Variants in TBC1D5 observed in about 807,000 individuals in gnomAD.
TBC1D5 encodes the protein TBC1 domain family, member 5.
Under a neutral mutation model 100.3 loss-of-function variants are expected in TBC1D5, and 75 were observed. That is an observed-to-expected ratio of 0.75 (90% CI 0.62 to 0.91). The LOEUF (loss-of-function observed/expected upper bound fraction) is 0.91, where lower values mean the gene tolerates loss of function less well. TBC1D5 is among the 40% of genes least tolerant of loss of function. The pLI is 0.00. For synonymous variants in TBC1D5, 323 were observed against 325.6 expected (o/e 0.99, Z 0.09); for missense variants, 910 against 942.4 (o/e 0.97, Z 0.45).
At chr3:17,643,315 T>C (rs1291325685) in intron 1 of TBC1D5, among the ~76,000 whole-genome samples, 1 of 152,142 alleles carries the variant, frequency 6.6e-6, no homozygotes, top group Non-Finnish European at 1.5e-5. Context: ...GATGTTAATA[T>C]ATCTTATTAC....
chr3:17,316,292 G>C (rs17043377), intron 13 of TBC1D5, among the ~76,000 whole-genome samples: 4,453 of 152,310 alleles, frequency 0.029, 216 homozygotes, highest in African/African-American at 0.1. Context: ...GTGGCCATGG[G>C]AGTTTTGTTT....
At chr3:17,401,391 GTATA>G (rs1413303210) in intron 8 of TBC1D5, among the ~76,000 whole-genome samples, 2 of 149,638 alleles carry the variant, frequency 1.3e-5, no homozygotes, top group Non-Finnish European at 3.0e-5. Context: ...ATATGTATAT[GTATA>G]TGTATATATG....
At chr3:17,547,362 C>A (rs2096428232) in intron 2 of TBC1D5, among the ~76,000 whole-genome samples, 1 of 152,108 alleles carries the variant, frequency 6.6e-6, no homozygotes, top group Non-Finnish European at 1.5e-5. Flanking sequence ...ATTTAGAAGA[C>A]AAATTAAAGC....
At chr3:17,323,385 A>G (rs1163738957) in intron 13 of TBC1D5, among the ~76,000 whole-genome samples, 2 of 152,216 alleles carry the variant, frequency 1.3e-5, no homozygotes, top group Admixed American at 6.5e-5. Context: ...ATAAATTCAA[A>G]CCATATATAA....
intron 13 of TBC1D5, among the ~76,000 whole-genome samples, chr3:17,362,335 A>T (rs549185547): frequency 1.3e-5 from 2 of 152,330 alleles, no homozygotes; most frequent in South Asian, 4.1e-4. Context: ...TGAAATGACA[A>T]GTTTCAGATT....
upstream of TBC1D5, among the ~76,000 whole-genome samples, chr3:17,741,867 G>A (rs1457892745): frequency 8.0e-6 from 1 of 124,294 alleles, no homozygotes; most frequent in Non-Finnish European, 1.6e-5. Context: ...TCTTACGTGT[G>A]AATAAACTTA....
intron 2 of TBC1D5, chr3:17,561,879 G>T (rs1334917510): frequency 1.3e-5 from 2 of 152,080 alleles, no homozygotes; most frequent in Non-Finnish European, 2.9e-5. Flanking sequence ...AAATGCAAGG[G>T]CAGTTAAAGA....
chr3:17,279,238 C>A (rs1004055278), intron 15 of TBC1D5, among the ~76,000 whole-genome samples: 2 of 152,160 alleles, frequency 1.3e-5, no homozygotes, highest in African/African-American at 4.8e-5. Flanking sequence ...TCTAGTGAAT[C>A]CACAATAGTT....
chr3:17,452,156 T>C (rs2094943232), intron 3 of TBC1D5, among the ~76,000 whole-genome samples: 1 of 151,568 alleles, frequency 6.6e-6, no homozygotes, highest in Admixed American at 6.6e-5. Flanking sequence ...TTGAAAAACA[T>C]ACAATGGATA....
chr3:17,522,927 T>G (rs2096078589), intron 2 of TBC1D5, among the ~76,000 whole-genome samples: 1 of 152,192 alleles, frequency 6.6e-6, no homozygotes, highest in South Asian at 2.1e-4. Flanking sequence ...TGACAAAACT[T>G]CATACCATGC....
At chr3:17,613,277 G>C (rs538966874) in intron 2 of TBC1D5, among the ~76,000 whole-genome samples, 9 of 152,304 alleles carry the variant, frequency 5.9e-5, no homozygotes, top group African/African-American at 1.9e-4. Context: ...TCTTAATACA[G>C]TCTATCATTG....
Position 17,195,425 on chromosome 3 carries a change from T to G in TBC1D5, c.1753-10217A>C, listed in dbSNP as rs569467196. Among the ~76,000 whole-genome samples, 6 of 152,374 alleles carry G rather than the reference T, an allele frequency of 3.9e-5. No individual in the cohort carries two copies. The South Asian group carries it at 1.2e-3, about 32-fold the overall frequency. ...CCTCCAGCTGAGTTTCTCATAGCAA[T>G]GCTGGCTGGGCAAAACCATCTGCGT... On this transcript the variant is annotated intron_variant, in intron 18 of 21. Coordinates refer to ENST00000253692, the Ensembl canonical transcript of TBC1D5.
chr3:17,239,170 T>C lies in TBC1D5; in HGVS notation c.1332-751A>G, dbSNP rs565219189. Among the ~76,000 whole-genome samples, 249 of 152,348 alleles carry C rather than the reference T, an allele frequency of 1.6e-3. 2 individuals carry two copies. Among genetic ancestry groups the C allele is most frequent in the African/African-American group, 5.8e-3 (240 of 41,568 alleles). ...TTTGTCTCTTTTGTTAACTACTATA[T>C]TGCCATTGTCTGGTACATCATAGGT... is the stretch of plus-strand genomic sequence containing the variant. On this transcript the variant is annotated intron_variant, in intron 16 of 21. Coordinates refer to ENST00000253692, the Ensembl canonical transcript of TBC1D5.
chr3:17,168,158 G>A (rs2066829042), intron 19 of TBC1D5, among the ~76,000 whole-genome samples: 1 of 152,168 alleles, frequency 6.6e-6, no homozygotes, highest in African/African-American at 2.4e-5. Context: ...ATCTCTAGGA[G>A]GAAGCTTTTC....
At chr3:17,627,834 C>T (rs2153664548) in intron 1 of TBC1D5, among the ~76,000 whole-genome samples, 1 of 152,130 alleles carries the variant, frequency 6.6e-6, no homozygotes, top group South Asian at 2.1e-4. Context: ...GTCCATACAG[C>T]ATGCAAAGTA....
intron 2 of TBC1D5, among the ~76,000 whole-genome samples, chr3:17,607,760 G>A (rs2061424924): frequency 6.6e-6 from 1 of 151,950 alleles, no homozygotes; most frequent in African/African-American, 2.4e-5. Flanking sequence ...TTGTTGAACA[G>A]GATTAACAGT....
chr3:17,234,431 G>GA (rs36030574), intron 17 of TBC1D5, among the ~76,000 whole-genome samples: 44,837 of 144,652 alleles, frequency 0.31, 7,087 homozygotes, highest in Middle Eastern at 0.41. Flanking sequence ...AAGGAAACAG[G>GA]AAAAAAAAAA....
chr3:17,596,444 A>C (rs1340261721), intron 2 of TBC1D5, among the ~76,000 whole-genome samples: 2 of 150,034 alleles, frequency 1.3e-5, no homozygotes, highest in African/African-American at 4.9e-5. Context: ...TCAGTCTCCC[A>C]AGTAGCTGGG....
chr3:17,293,930 C>T lies in TBC1D5; in HGVS notation c.1139-1929G>A, dbSNP rs143708273. The stretch of plus-strand genomic sequence containing the variant: ...AATTATTATCTTTGTTTTACAGATG[C>T]AATAATTGATACTTGGAGAAGTTAA... On this transcript the variant is annotated intron_variant, in intron 14 of 21. Coordinates refer to ENST00000253692, the Ensembl canonical transcript of TBC1D5. Among the ~76,000 whole-genome samples the T allele has an allele frequency of 7.8e-3, 1,189 of 152,288 alleles. 14 individuals carry two copies. Among genetic ancestry groups the T allele is most frequent in the Non-Finnish European group, 0.013 (917 of 68,016 alleles).
Sources: allele counts gnomAD v4.1 joint callset (sites outside exome capture counted in the v4.1 genomes callset), GRCh38; gene constraint gnomAD v4.1.1; transcripts MANE v1.5; gene names NCBI Gene and HGNC (gene_info 2026-07-23, HGNC 2026-07-21).